The following CASK variants were observed in gnomAD, a reference collection of about 807,000 sequenced individuals.
CASK encodes peripheral plasma membrane protein CASK.
A neutral mutation model predicts 82.9 loss-of-function variants in CASK; 4 were observed. The ratio of observed to expected loss-of-function variants is 0.05; its 90% CI spans 0.02 to 0.11. The LOEUF (loss-of-function observed/expected upper bound fraction) is 0.11, where lower values mean the gene tolerates loss of function less well. Among genes scored for constraint, CASK ranks in the 10% least tolerant of loss-of-function variants. CASK has a pLI of 1.00. For synonymous variants in CASK, 259 were observed against 253.5 expected (o/e 1.02, Z -0.20); for missense variants, 358 against 720.9 (o/e 0.50, Z 5.76).
At chrX:41,598,134 GACAC>G (rs757204318) in intron 12 of CASK, among the ~76,000 whole-genome samples, 4 of 99,908 alleles carry the variant, frequency 4.0e-5, no homozygotes, top group East Asian at 3.1e-4. Context: ...CTGAGGCCCT[GACAC>G]ACACACACAC....
At chrX:41,570,014 T>C (rs201083227) in intron 15 of CASK, among the ~76,000 whole-genome samples, 17 of 91,094 alleles carry the variant, frequency 1.9e-4, no homozygotes, top group African/African-American at 5.3e-4. Context: ...TTTTTTCTTT[T>C]TTTTTTTTTT....
chrX:41,592,247 C>A (rs902511212), intron 12 of CASK, among the ~76,000 whole-genome samples: 11 of 107,924 alleles, frequency 1.0e-4, no homozygotes, highest in African/African-American at 3.7e-4. Context: ...AAATCTCAAA[C>A]CTGTTTGAGA....
chrX:41,621,345 T>C (rs892478391), intron 11 of CASK, among the ~76,000 whole-genome samples: 4 of 111,715 alleles, frequency 3.6e-5, no homozygotes, highest in Non-Finnish European at 7.5e-5. Flanking sequence ...GACGTCACTA[T>C]GAGATTAGGC....
At chrX:41,545,323 G>A (rs995662735) in intron 21 of CASK, among the ~76,000 whole-genome samples, 2 of 112,196 alleles carry the variant, frequency 1.8e-5, no homozygotes, top group Non-Finnish European at 3.8e-5. Context: ...CACTGCGCCC[G>A]GCCTAGAACT....
At chrX:41,726,953 A>G in intron 5 of CASK, 1 of 576,419 alleles carries the variant, frequency 1.7e-6, no homozygotes, top group Non-Finnish European at 2.6e-6. Flanking sequence ...TACTGTACCA[A>G]AAATAATTTT....
At chrX:41,565,933 C>T (rs141971225) in intron 16 of CASK, among the ~76,000 whole-genome samples, 7 of 111,836 alleles carry the variant, frequency 6.3e-5, no homozygotes, top group Middle Eastern at 4.6e-3. Flanking sequence ...GGTTAACATA[C>T]GCAAATCAAT....
At chrX:41,894,354 C>T (rs1420940111) in intron 1 of CASK, among the ~76,000 whole-genome samples, 2 of 110,300 alleles carry the variant, frequency 1.8e-5, no homozygotes, top group Non-Finnish European at 3.8e-5. Flanking sequence ...AGTATGAAAA[C>T]CAGAAAGAAA....
At chrX:41,547,881 C>G (rs905499961) in intron 21 of CASK, among the ~76,000 whole-genome samples, 3 of 112,177 alleles carry the variant, frequency 2.7e-5, no homozygotes, top group Non-Finnish European at 5.6e-5. Context: ...CCTCGGCCTC[C>G]CAAAGTGCTG....
chrX:41,653,769 TGAG>T (rs2066896577), intron 8 of CASK, among the ~76,000 whole-genome samples: 2 of 112,572 alleles, frequency 1.8e-5, no homozygotes, highest in African/African-American at 6.5e-5. Context: ...AAATGGATTG[TGAG>T]AATAACTAAT....
chrX:41,532,124 C>T (rs1028112393), intron 24 of CASK, among the ~76,000 whole-genome samples: 8 of 110,922 alleles, frequency 7.2e-5, no homozygotes, highest in African/African-American at 2.3e-4. Flanking sequence ...CCAACAGAGA[C>T]GGGGTTTCAC....
intron 21 of CASK, among the ~76,000 whole-genome samples, chrX:41,548,217 C>T (rs1478870404): frequency 4.5e-5 from 5 of 111,373 alleles, no homozygotes; most frequent in Non-Finnish European, 7.5e-5. Context: ...TCTAGTGGAT[C>T]GGCTGATTGG....
chrX:41,809,370 G>C (rs1015376738), intron 2 of CASK, among the ~76,000 whole-genome samples: 3 of 112,061 alleles, frequency 2.7e-5, no homozygotes, highest in African/African-American at 9.7e-5. Flanking sequence ...TCACATGGCT[G>C]GGTACCCCTC....
chrX:41,563,688 A>AT (rs1209259451), intron 16 of CASK, among the ~76,000 whole-genome samples: 12 of 109,943 alleles, frequency 1.1e-4, no homozygotes, highest in Middle Eastern at 4.6e-3. Flanking sequence ...TTTAAAACTT[A>AT]TTTTTTTTTA....
chrX:41,703,692 T>G (rs1186589725), intron 5 of CASK, among the ~76,000 whole-genome samples: 1 of 112,574 alleles, frequency 8.9e-6, no homozygotes, highest in African/African-American at 3.2e-5. Context: ...ATGTGTGAAG[T>G]TTATGGCTAA....
Position 41,520,251 on chromosome X carries a change from A to C in CASK, c.*169T>G. On this transcript the variant is annotated 3_prime_UTR_variant, in exon 27 of 27. Coordinates refer to ENST00000378163, the MANE Select transcript of CASK (RefSeq NM_001367721.1). Reference sequence around the variant, plus strand: ...TACTGTCTCTTTAAATTAGTGTGTAATTGTTTTTCTCCTCCTATCTATTCG... The same window carrying C: ...TACTGTCTCTTTAAATTAGTGTGTACTTGTTTTTCTCCTCCTATCTATTCG... 1 of 411,193 alleles carries C rather than the reference A, an allele frequency of 2.4e-6. No individual in the cohort carries two copies. Among genetic ancestry groups the C allele is most frequent in the East Asian group, 3.7e-5 (1 of 26,689 alleles). The allele number at this position is 411,193 out of a possible 1,213,427, so 33.9% of individuals were successfully genotyped here.
At chrX:41,586,288 G>A (rs189443850) in intron 14 of CASK, 24 of 112,558 alleles carry the variant, frequency 2.1e-4, no homozygotes, top group African/African-American at 6.5e-4. Context: ...ATAAACTGAT[G>A]TGGCTAATGC....
rs141364032 is a variant in CASK, at chrX:41,563,040, CAAAAAAA to C, written c.1583-1403_1583-1397del. ...TGGGCGACAGAGCGAGACTCCATCT[CAAAAAAA>C]AAAAAAAAAAAAAAAAAAGAAAAGA... On this transcript the variant is annotated intron_variant, in intron 16 of 26. Coordinates refer to ENST00000378163, the MANE Select transcript of CASK (RefSeq NM_001367721.1). Among the ~76,000 whole-genome samples the C allele has an allele frequency of 1.9e-3, 42 of 22,197 alleles. No homozygotes were observed. The South Asian group carries it at 0.19, about 102-fold the overall frequency. 19.3% of individuals were successfully genotyped at this position (22,197 alleles called of 115,157 possible).
intron 11 of CASK, 135 bp from the exon 12 acceptor site, chrX:41,610,160 T>C (rs1252014513): frequency 8.4e-6 from 5 of 592,619 alleles, no homozygotes; most frequent in Admixed American, 3.0e-5. Context: ...TACTGAAGGA[T>C]AGACTTAAAT....
At chrX:41,565,668 C>T (rs1266298761) in intron 16 of CASK, among the ~76,000 whole-genome samples, 1 of 111,750 alleles carries the variant, frequency 8.9e-6, no homozygotes, top group African/African-American at 3.3e-5. Context: ...CAAAGAGGAG[C>T]TGGTACCATT....
Sources: allele counts gnomAD v4.1 joint callset (sites outside exome capture counted in the v4.1 genomes callset), GRCh38; gene constraint gnomAD v4.1.1; transcripts MANE v1.5; gene names NCBI Gene and HGNC (gene_info 2026-07-23, HGNC 2026-07-21).